Variants in PHACTR1 observed in about 807,000 individuals in gnomAD.
The protein encoded by PHACTR1 is RPEL repeat containing 1.
In PHACTR1, 16 loss-of-function variants were observed where a neutral mutation model predicts 69.2. The ratio of observed to expected loss-of-function variants is 0.23; its 90% CI spans 0.16 to 0.35. PHACTR1 has a LOEUF of 0.35. Ranked by LOEUF, PHACTR1 falls within the 10% of genes least tolerant of loss-of-function variation. PHACTR1 has a pLI of 1.00. For synonymous variants in PHACTR1, 312 were observed against 284.5 expected, an observed-to-expected ratio of 1.10 and a Z score of -0.97; for missense variants, 510 against 734.7, an observed-to-expected ratio of 0.69 and a Z score of 3.54.
intron 5 of PHACTR1, among the ~76,000 whole-genome samples, chr6:13,084,789 G>A (rs1204305292): frequency 6.6e-6 from 1 of 152,102 alleles, no homozygotes; most frequent in South Asian, 2.1e-4. Context: ...GAGGAAGGTG[G>A]TGATAGGGAT....
intron 5 of PHACTR1, among the ~76,000 whole-genome samples, chr6:13,146,738 A>G (rs1823407826): frequency 6.6e-6 from 1 of 152,212 alleles, no homozygotes; most frequent in Non-Finnish European, 1.5e-5. Flanking sequence ...AGCGATCAAT[A>G]ATAATTAGGT....
At chr6:13,184,765 A>G (rs545294554) in intron 7 of PHACTR1, 2 of 1,356,368 alleles carry the variant, frequency 1.5e-6, no homozygotes, top group Admixed American at 1.9e-5. Flanking sequence ...CGTTTGTGTA[A>G]TGTCTCCTGT....
intron 3 of PHACTR1, among the ~76,000 whole-genome samples, chr6:12,729,010 T>C (rs1242766801): frequency 2.0e-5 from 3 of 152,208 alleles, no homozygotes; most frequent in African/African-American, 4.8e-5. Flanking sequence ...AAGCACCTGA[T>C]ACATGTTTAA....
intron 5 of PHACTR1, among the ~76,000 whole-genome samples, chr6:13,155,753 C>T (rs1758079571): frequency 6.6e-6 from 1 of 151,900 alleles, no homozygotes; most frequent in Admixed American, 6.6e-5. Context: ...CCAGGAGTGG[C>T]AGCAGGCGCC....
chr6:13,090,602 C>T (rs202038426), intron 5 of PHACTR1, among the ~76,000 whole-genome samples: 1 of 151,170 alleles, frequency 6.6e-6, no homozygotes, highest in African/African-American at 2.4e-5. Flanking sequence ...GGATTACAGG[C>T]GTGAGCCACC....
Position 13,053,521 on chromosome 6 carries a change from C to T in PHACTR1, c.407C>T (p.Thr136Met), listed in dbSNP as rs754343376. Residue 136 changes from threonine (T) to methionine (M), a missense_variant, in exon 5 of 15, where the codon ACG (threonine) becomes ATG (methionine). This residue lies in a region of PHACTR1 where 419 missense variants were observed against 530.9 expected (regional missense o/e 0.79). Coordinates refer to ENST00000332995, the MANE Select transcript of PHACTR1 (RefSeq NM_030948.6). ...RKKKSEKFKH[T>M]SAALERKISM... ...AAGAAAAGCGAAAAGTTCAAACACA[C>T]GTCAGCAGGTAAGATGATTTGTTCT... The T allele has an allele frequency of 1.4e-5, 22 of 1,613,156 alleles. No homozygotes were observed. The highest frequency in any genetic ancestry group is 2.2e-5 in the East Asian group (1 of 44,864).
intron 4 of PHACTR1, among the ~76,000 whole-genome samples, chr6:12,794,799 G>A (rs10807323): frequency 0.35 from 52,486 of 152,062 alleles, 10,963 homozygotes; most frequent in East Asian, 0.61. Context: ...AGCACAGGTA[G>A]AGTAAGTGGT....
At chr6:13,285,962 A>G (rs1328360816) in intron 13 of PHACTR1, among the ~76,000 whole-genome samples, 184 bp from the exon 14 acceptor site, 1 of 152,174 alleles carries the variant, frequency 6.6e-6, no homozygotes. Context: ...AGATTTAGGG[A>G]AGGAGGGGAA....
chr6:12,748,636 T>G (rs1412321422), intron 3 of PHACTR1, among the ~76,000 whole-genome samples: 2 of 152,286 alleles, frequency 1.3e-5, no homozygotes, highest in East Asian at 3.9e-4. Flanking sequence ...CAGGGGGCAG[T>G]GCAGGCGTTC....
chr6:12,801,854 C>T (rs568328998), intron 4 of PHACTR1, among the ~76,000 whole-genome samples: 1 of 152,216 alleles, frequency 6.6e-6, no homozygotes, highest in Admixed American at 6.5e-5. Flanking sequence ...GGTCCTCTTG[C>T]AACATTTCAG....
At chr6:12,879,856 T>C (rs1782909370) in intron 4 of PHACTR1, among the ~76,000 whole-genome samples, 1 of 152,166 alleles carries the variant, frequency 6.6e-6, no homozygotes, top group Non-Finnish European at 1.5e-5. Context: ...ATGAATCAGA[T>C]CCACAATGGC....
At chr6:13,144,342 T>C (rs1375813760) in intron 5 of PHACTR1, among the ~76,000 whole-genome samples, 2 of 152,184 alleles carry the variant, frequency 1.3e-5, no homozygotes, top group Admixed American at 6.5e-5. Flanking sequence ...TAGAACTAAA[T>C]GAATTTAGCA....
At chr6:12,808,904 C>T (rs1296773115) in intron 4 of PHACTR1, among the ~76,000 whole-genome samples, 2 of 151,224 alleles carry the variant, frequency 1.3e-5, no homozygotes, top group African/African-American at 4.9e-5. Context: ...CAGGGTCTCT[C>T]TCTCACTCTG....
At chr6:12,728,662 A>T (rs1763107616) in intron 3 of PHACTR1, among the ~76,000 whole-genome samples, 1 of 152,222 alleles carries the variant, frequency 6.6e-6, no homozygotes, top group Admixed American at 6.5e-5. Context: ...TTTGAGGATT[A>T]AATGAACCAT....
chr6:12,899,014 T>C lies in PHACTR1; in HGVS notation c.250+149224T>C, dbSNP rs547451157. 2.6e-5 allele frequency among the ~76,000 whole-genome samples: 4 copies of C among 152,324 alleles called. No homozygotes were observed. The South Asian group carries it at 8.3e-4, about 32-fold the overall frequency. On this transcript the variant is annotated intron_variant, in intron 4 of 14. Coordinates refer to ENST00000332995, the MANE Select transcript of PHACTR1 (RefSeq NM_030948.6). Reference sequence around the variant, plus strand: ...ACCCCACTCCACTTCTGGCCTATGCTTCCTCATATGCAGCTTCCCTGGTAA... The same window carrying C: ...ACCCCACTCCACTTCTGGCCTATGCCTCCTCATATGCAGCTTCCCTGGTAA...
intron 10 of PHACTR1, among the ~76,000 whole-genome samples, chr6:13,240,723 G>C (rs558179180): frequency 1.3e-5 from 2 of 152,052 alleles, no homozygotes; most frequent in African/African-American, 4.8e-5. Context: ...CTGGGATTAC[G>C]GGCATGAACC....
intron 4 of PHACTR1, among the ~76,000 whole-genome samples, chr6:13,026,673 G>A (rs960286351): frequency 2.0e-5 from 3 of 152,148 alleles, no homozygotes; most frequent in African/African-American, 7.2e-5. Context: ...CACAGGGTGG[G>A]AGGATGATAG....
intron 5 of PHACTR1, among the ~76,000 whole-genome samples, chr6:13,090,008 G>A (rs1487349776): frequency 1.3e-5 from 2 of 152,190 alleles, no homozygotes; most frequent in Non-Finnish European, 2.9e-5. Flanking sequence ...AAGCTAAGTA[G>A]TATAATAGAA....
rs189863014 is a variant in PHACTR1 at position 13,075,214 on chromosome 6, T to C, written c.415+21685T>C. Among the ~76,000 whole-genome samples the C allele has an allele frequency of 2.6e-5, 4 of 152,306 alleles. No individual in the cohort carries two copies. The East Asian group carries it at 7.7e-4, about 29-fold the overall frequency. ...GTTCATCACATATATTAACTCCTAT[T>C]ATCACAAACCCATATGAGATAAGAA... On this transcript the variant is annotated intron_variant, in intron 5 of 14. Coordinates refer to ENST00000332995, the MANE Select transcript of PHACTR1 (RefSeq NM_030948.6).
Sources: allele counts gnomAD v4.1 joint callset (sites outside exome capture counted in the v4.1 genomes callset), GRCh38; gene constraint gnomAD v4.1.1; regional missense constraint gnomAD v4.1.1; transcripts MANE v1.5; gene names NCBI Gene and HGNC (gene_info 2026-07-23, HGNC 2026-07-21).